GALNT15: variants seen among roughly 807,000 people sequenced by gnomAD.
The protein encoded by GALNT15 is polypeptide N-acetylgalactosaminyltransferase 15.
In GALNT15, 67 loss-of-function variants were observed where a neutral mutation model predicts 66.8. The ratio of observed to expected loss-of-function variants is 1.00; its 90% CI spans 0.82 to 1.23. The LOEUF is 1.23. Ranked by LOEUF, GALNT15 falls within the 50% of genes most tolerant of loss-of-function variation. GALNT15 has a pLI of 0.00. For synonymous variants in GALNT15, 313 were observed against 311.5 expected, an observed-to-expected ratio of 1.00 and a Z score of -0.05; for missense variants, 827 against 804.3, an observed-to-expected ratio of 1.03 and a Z score of -0.34.
chr3:16,241,504 T>C, the GALNT15 span, among the ~76,000 whole-genome samples: 1 of 152,204 alleles, frequency 6.6e-6, no homozygotes, highest in Non-Finnish European at 1.5e-5. The surrounding 1 kb of genome is among the most constrained non-coding windows in gnomAD (Gnocchi z 4.6). Context: ...TTTTGCTGCA[T>C]AACAAACTAC....
In GALNT15 at chr3:16,212,573, G is replaced by C; in HGVS notation, c.1202G>C (p.Trp401Ser). 6.2e-7 allele frequency: 1 copy of C among 1,612,488 alleles called. No individual in the cohort carries two copies. Among genetic ancestry groups the C allele is most frequent in the African/African-American group, 1.3e-5 (1 of 74,994 alleles). The change falls in exon 6 of 10, where the codon TGG becomes TCG. Residue 401 changes from tryptophan to serine, a missense_variant. By Grantham distance (177) the Trp-to-Ser change is radical. Transcript: ENST00000339732. ...GENLELSFKA[W>S]LCGGSVEILP... Reference sequence around the variant, plus strand: ...TATCTTTTCCCTTCGTGGCAGGCCTGGCTCTGTGGTGGCTCTGTTGAAATC... The same window carrying C: ...TATCTTTTCCCTTCGTGGCAGGCCTCGCTCTGTGGTGGCTCTGTTGAAATC...
At position 16,229,622 on chromosome 3, in the gene GALNT15, C is replaced by T. The variant is rs1458263451; in HGVS notation, c.*2122C>T. The stretch of plus-strand genomic sequence containing the variant: ...ATGGCGACCGTGTAAATGGTATTAG[C>T]GGCTGAAGAAAAAAAATTTTTCAAG... On this transcript the variant is annotated 3_prime_UTR_variant, in exon 10 of 10. Coordinates refer to ENST00000339732, the MANE Select transcript of GALNT15 (RefSeq NM_054110.5). 11 of 985,228 alleles carry T rather than the reference C, an allele frequency of 1.1e-5. No homozygotes were observed. The highest frequency in any genetic ancestry group is 9.4e-5 in the South Asian group (2 of 21,278). 61.0% of individuals were successfully genotyped at this position (985,228 alleles called of 1,614,324 possible).
At chr3:16,235,995 C>T (rs1016820925), downstream of GALNT15, among the ~76,000 whole-genome samples, 4 of 149,356 alleles carry the variant, frequency 2.7e-5, no homozygotes, top group Non-Finnish European at 5.9e-5. Context: ...ATCCCATCTA[C>T]TCGGGAGGCT....
chr3:16,199,465 A>G (rs1399434000), intron 2 of GALNT15, among the ~76,000 whole-genome samples: 1 of 141,732 alleles, frequency 7.1e-6, no homozygotes, highest in Non-Finnish European at 1.6e-5. Flanking sequence ...CCAATCTCCT[A>G]CCAGCTGCCA....
At chr3:16,246,596 A>G in the GALNT15 span, among the ~76,000 whole-genome samples, 1 of 152,120 alleles carries the variant, frequency 6.6e-6, no homozygotes, top group African/African-American at 2.4e-5. Flanking sequence ...TGCTGGGATT[A>G]CAGGCGTGAG....
At chr3:16,202,730 G>C (rs1347780744) in intron 3 of GALNT15, among the ~76,000 whole-genome samples, 1 of 152,218 alleles carries the variant, frequency 6.6e-6, no homozygotes, top group African/African-American at 2.4e-5. Flanking sequence ...TCTATCATTG[G>C]AGTCAGACTC....
rs1374803884 is a variant in GALNT15, at chr3:16,200,723, G to A, written c.811G>A (p.Ala271Thr). 5.6e-6 allele frequency: 9 copies of A among 1,612,018 alleles called. No individual in the cohort carries two copies. Among genetic ancestry groups the A allele is most frequent in the Admixed American group, 1.7e-5 (1 of 59,748 alleles). Reference sequence around the variant, plus strand: ...TGCCATCAGGGCCCGGATGCTGGGGGCCACCAGAGCCACCGGGGATGTGCT... The same window carrying A: ...TGCCATCAGGGCCCGGATGCTGGGGACCACCAGAGCCACCGGGGATGTGCT... ...LGAIRARMLG[A>T]TRATGDVLVF... The change falls in exon 3 of 10, where the codon GCC (alanine) becomes ACC (threonine). Residue 271 changes from alanine (A) to threonine (T), a missense_variant. Ala to Thr is a moderately conservative substitution (Grantham distance 58). Transcript: ENST00000339732. The surrounding 1 kb of genome is among the most constrained non-coding windows in gnomAD (Gnocchi z 4.4).
At chr3:16,196,914 G>T (rs1054209402) in intron 2 of GALNT15, among the ~76,000 whole-genome samples, 12 of 152,170 alleles carry the variant, frequency 7.9e-5, no homozygotes, top group Non-Finnish European at 1.6e-4. Flanking sequence ...GGGTAGCCAG[G>T]TGCCTCTGTT....
In GALNT15 at chr3:16,195,846, G is replaced by T; in HGVS notation, c.626G>T (p.Arg209Leu). ...GATGAGGCCTGGTCCACTCTCCTGC[G>T]GACTGTACACAGCATCCTCGACACA... Reference protein sequence around the residue: ...FHDEAWSTLLRTVHSILDTVP... With the variant: ...FHDEAWSTLLLTVHSILDTVP... Residue 209 changes from arginine (R) to leucine (L), a missense_variant, in exon 2 of 10, where the codon CGG (arginine) becomes CTG (leucine). Transcript: ENST00000339732. The surrounding 1 kb of genome is among the most constrained non-coding windows in gnomAD (Gnocchi z 4.6). 1 of 1,614,040 alleles carries T rather than the reference G, an allele frequency of 6.2e-7. No homozygotes were observed. The highest frequency in any genetic ancestry group is 1.1e-5 in the South Asian group (1 of 91,078).
Position 16,175,460 on chromosome 3 carries a change from G to T in GALNT15, c.309G>T (p.Gln103His), listed in dbSNP as rs2063395806. Residue 103 changes from glutamine (Q) to histidine (H), a missense_variant, in exon 1 of 10, where the codon CAG (glutamine) becomes CAT (histidine). Physicochemically the swap from Gln to His is conservative, Grantham distance 24. Coordinates refer to ENST00000339732, the MANE Select transcript of GALNT15 (RefSeq NM_054110.5). The surrounding 1 kb of genome is among the most constrained non-coding windows in gnomAD (Gnocchi z 5.6). Reference sequence around the variant, plus strand: ...TGCTGGTGGCCGTGGCCTTACCCCAGGCCAGAAGGAACCAGAGCCAGGGCA... The same window carrying T: ...TGCTGGTGGCCGTGGCCTTACCCCATGCCAGAAGGAACCAGAGCCAGGGCA... ...DQLLVAVALP[Q>H]ARRNQSQGRR... 1 of 1,614,118 alleles carries T rather than the reference G, an allele frequency of 6.2e-7. No individual in the cohort carries two copies.
rs771026937 is a variant in GALNT15, at chr3:16,219,918, C to A, written c.1533C>A (p.Asn511Lys). The A allele has an allele frequency of 1.2e-6, 2 of 1,613,802 alleles. No homozygotes were observed. ...TGTGTGTCCACTTTCAGCTCCACAA[C>A]ACTGGACTTGGGCTCTGTGCAGACT... is the stretch of plus-strand genomic sequence containing the variant. ...PRPSFSGKLH[N>K]TGLGLCADCQ... Residue 511 changes from asparagine to lysine, a missense_variant, in exon 8 of 10, where the codon AAC (asparagine) becomes AAA (lysine). By Grantham distance (94) the Asn-to-Lys change is moderately conservative (BLOSUM62 0). Transcript: ENST00000339732. The surrounding 1 kb of genome is among the most constrained non-coding windows in gnomAD (Gnocchi z 4.3).
At position 16,209,879 on chromosome 3, in the gene GALNT15, G is replaced by A. The variant is rs2063795322; in HGVS notation, c.1079+1209G>A. On this transcript the variant is annotated intron_variant, in intron 4 of 9. Coordinates refer to ENST00000339732, the MANE Select transcript of GALNT15 (RefSeq NM_054110.5). This position sits in a 1 kb window ranked among gnomAD's most constrained non-coding sequence, Gnocchi z 4.1. ...AGCAAAAGCTGCCCTGAACTGACAT[G>A]GGGTGTCTGCATTGGCCTTATTTAT... Among the ~76,000 whole-genome samples, 2 of 152,212 alleles carry A rather than the reference G, an allele frequency of 1.3e-5. No individual in the cohort carries two copies. The highest frequency in any genetic ancestry group is 4.8e-5 in the African/African-American group (2 of 41,460).
the GALNT15 span, among the ~76,000 whole-genome samples, chr3:16,237,269 C>T: frequency 1.3e-5 from 2 of 152,220 alleles, no homozygotes; most frequent in Non-Finnish European, 2.9e-5. This position sits in a 1 kb window ranked among gnomAD's most constrained non-coding sequence, Gnocchi z 4.2. Flanking sequence ...AAACCTTACT[C>T]CTTGTGCTCT....
In GALNT15 at chr3:16,228,640, C is replaced by CAAAAAAAA; in HGVS notation, c.*1148_*1155dup. 1 of 817,300 alleles carries CAAAAAAAA rather than the reference C, an allele frequency of 1.2e-6. No individual in the cohort carries two copies. Among genetic ancestry groups the CAAAAAAAA allele is most frequent in the Non-Finnish European group, 1.5e-6 (1 of 684,414 alleles). The allele number at this position is 817,300 out of a possible 1,614,324, so 50.6% of individuals were successfully genotyped here. ...TGGGTGACAGAGTGAGACTCCATCT[C>CAAAAAAAA]AAAAAAAAAAAAAAAGAGAGAAACT... On this transcript the variant is annotated 3_prime_UTR_variant, in exon 10 of 10. Transcript: ENST00000339732.
Position 16,191,764 on chromosome 3 carries a change from C to G in GALNT15, c.540-3996C>G, listed in dbSNP as rs565103443. Among the ~76,000 whole-genome samples the G allele has an allele frequency of 5.9e-5, 9 of 152,356 alleles. No homozygotes were observed. In the South Asian group the frequency reaches 1.9e-3, roughly 32 times the overall value. On this transcript the variant is annotated intron_variant, in intron 1 of 9. Coordinates refer to ENST00000339732, the MANE Select transcript of GALNT15 (RefSeq NM_054110.5). This position sits in a 1 kb window ranked among gnomAD's most constrained non-coding sequence, Gnocchi z 5.2. Reference sequence around the variant, plus strand: ...AGGAGGCCCTGCTCCATGCCAGGCACTGTGCCAAGCCCTTTATCAAACTTA... The same window carrying G: ...AGGAGGCCCTGCTCCATGCCAGGCAGTGTGCCAAGCCCTTTATCAAACTTA...
At chr3:16,196,883 G>C (rs2063644542) in intron 2 of GALNT15, among the ~76,000 whole-genome samples, 1 of 152,158 alleles carries the variant, frequency 6.6e-6, no homozygotes. Flanking sequence ...TTTTTCTAAG[G>C]GGAATAATGG....
rs1330062418 is a variant in GALNT15 at position 16,227,916 on chromosome 3, T to C, written c.*416T>C. 5 of 1,005,214 alleles carry C rather than the reference T, an allele frequency of 5.0e-6. No individual in the cohort carries two copies. Among genetic ancestry groups the C allele is most frequent in the Non-Finnish European group, 5.9e-6 (5 of 843,220 alleles). 62.3% of individuals were successfully genotyped at this position (1,005,214 alleles called of 1,614,324 possible). On this transcript the variant is annotated 3_prime_UTR_variant, in exon 10 of 10. Coordinates refer to ENST00000339732, the MANE Select transcript of GALNT15 (RefSeq NM_054110.5). The surrounding 1 kb of genome is among the most constrained non-coding windows in gnomAD (Gnocchi z 4.5). ...CTTGGATTGTCTGTTTGGCCAACCA[T>C]GAAAATTAAAGAGTGAAGCAGATGT...
Position 16,176,335 on chromosome 3 carries a change from A to G in GALNT15, c.539+645A>G, listed in dbSNP as rs1201799418. Among the ~76,000 whole-genome samples, 1 of 152,222 alleles carries G rather than the reference A, an allele frequency of 6.6e-6. No homozygotes were observed. The highest frequency in any genetic ancestry group is 2.4e-5 in the African/African-American group (1 of 41,464). ...TTCTATAGGTATGAAAACAAGGTGA[A>G]GTTGCTTTCCCAGTCACGCTGCTAG... On this transcript the variant is annotated intron_variant, in intron 1 of 9. Transcript: ENST00000339732. This position sits in a 1 kb window ranked among gnomAD's most constrained non-coding sequence, Gnocchi z 5.6.
At chr3:16,198,518 T>C (rs2063664045) in intron 2 of GALNT15, among the ~76,000 whole-genome samples, 1 of 140,310 alleles carries the variant, frequency 7.1e-6, no homozygotes, top group Non-Finnish European at 1.6e-5. Context: ...GAATGAATGG[T>C]GAGGAAGATG....
Sources: allele counts gnomAD v4.1 joint callset (sites outside exome capture counted in the v4.1 genomes callset), GRCh38; gene constraint gnomAD v4.1.1; non-coding constraint Gnocchi (gnomAD v3.1); transcripts MANE v1.5; gene names NCBI Gene and HGNC (gene_info 2026-07-23, HGNC 2026-07-21).